PRORP: variants seen among roughly 807,000 people sequenced by gnomAD.
The protein encoded by PRORP is protein only RNase P catalytic subunit.
A neutral mutation model predicts 59.4 loss-of-function variants in PRORP; 51 were observed. That is an observed-to-expected ratio of 0.86 (90% CI 0.69 to 1.08). The LOEUF (loss-of-function observed/expected upper bound fraction) is 1.08. PRORP is among the 50% of genes least tolerant of loss of function. PRORP has a pLI of 0.00. For synonymous variants in PRORP, 231 were observed against 245.6 expected (o/e 0.94, Z 0.55); for missense variants, 646 against 690.3 (o/e 0.94, Z 0.72).
intron 5 of PRORP, among the ~76,000 whole-genome samples, chr14:35,204,691 G>GTGT (rs2049246433): frequency 6.6e-6 from 1 of 152,014 alleles, no homozygotes; most frequent in Non-Finnish European, 1.5e-5. Context: ...TATCAGCAAC[G>GTGT]TGTTCATTGT....
At chr14:35,230,819 A>G (rs958929256) in intron 5 of PRORP, among the ~76,000 whole-genome samples, 1 of 152,188 alleles carries the variant, frequency 6.6e-6, no homozygotes, top group African/African-American at 2.4e-5. Flanking sequence ...GTATTGTTCA[A>G]TCAAAGAAGA....
At chr14:35,131,634 T>G (rs2138803949) in intron 4 of PRORP, among the ~76,000 whole-genome samples, 2 of 151,814 alleles carry the variant, frequency 1.3e-5, no homozygotes, top group Admixed American at 1.3e-4. Flanking sequence ...GTTCAAGCGA[T>G]TCTCCTTCTT....
chr14:35,201,586 C>T (rs990587463), intron 5 of PRORP, among the ~76,000 whole-genome samples: 6 of 151,642 alleles, frequency 4.0e-5, no homozygotes, highest in Non-Finnish European at 8.8e-5. Flanking sequence ...TTTTTTAGTA[C>T]TTCCTTACTC....
chr14:35,273,271 G>T (rs979007780), intron 7 of PRORP, among the ~76,000 whole-genome samples, 164 bp from the exon 8 acceptor site: 2 of 152,154 alleles, frequency 1.3e-5, no homozygotes, highest in Non-Finnish European at 2.9e-5. Flanking sequence ...TAATATTAGG[G>T]CTCATCTTCA....
chr14:35,161,578 CT>C (rs1309218277), intron 4 of PRORP, among the ~76,000 whole-genome samples: 1 of 152,030 alleles, frequency 6.6e-6, no homozygotes, highest in Non-Finnish European at 1.5e-5. Context: ...GTGTTACTGC[CT>C]TTTTTATTTT....
chr14:35,166,702 C>T (rs749257617), intron 4 of PRORP, among the ~76,000 whole-genome samples: 5 of 152,152 alleles, frequency 3.3e-5, no homozygotes, highest in South Asian at 2.1e-4. Context: ...CTGCCCTCCT[C>T]GGCCTCCCAA....
intron 5 of PRORP, among the ~76,000 whole-genome samples, chr14:35,215,119 C>G (rs887302362): frequency 4.0e-5 from 6 of 151,878 alleles, no homozygotes; most frequent in African/African-American, 1.5e-4. Context: ...GGTCTCTTTT[C>G]CTGTTCAAAC....
At chr14:35,190,389 ACT>A (rs1196144017) in intron 5 of PRORP, among the ~76,000 whole-genome samples, 3 of 144,022 alleles carry the variant, frequency 2.1e-5, no homozygotes, top group Non-Finnish European at 3.1e-5. Context: ...CAAGAGTGAA[ACT>A]CTGTCTCAAA....
chr14:35,245,962 T>A (rs2050472110), intron 5 of PRORP, among the ~76,000 whole-genome samples: 3 of 152,182 alleles, frequency 2.0e-5, no homozygotes, highest in Non-Finnish European at 1.5e-5. Flanking sequence ...ATATTATTCT[T>A]ACACATGATG....
At chr14:35,151,635 CACAT>C (rs1164585804) in intron 4 of PRORP, among the ~76,000 whole-genome samples, 42 of 115,278 alleles carry the variant, frequency 3.6e-4, no homozygotes, top group Non-Finnish European at 4.5e-4. Context: ...GCTACACACA[CACAT>C]ACACACACAC....
At chr14:35,190,389 A>G (rs887060611) in intron 5 of PRORP, among the ~76,000 whole-genome samples, 3 of 144,022 alleles carry the variant, frequency 2.1e-5, no homozygotes, top group Non-Finnish European at 4.6e-5. Context: ...CAAGAGTGAA[A>G]CTCTGTCTCA....
At chr14:35,169,044 C>A (rs759640229) in intron 4 of PRORP, among the ~76,000 whole-genome samples, 6 of 149,834 alleles carry the variant, frequency 4.0e-5, no homozygotes, top group Non-Finnish European at 8.9e-5. Flanking sequence ...CTTTTTCTAC[C>A]TTTTTAAGTT....
Position 35,123,027 on chromosome 14 carries a change from A to G in PRORP, c.-219A>G. On this transcript the variant is annotated 5_prime_UTR_variant, in exon 2 of 8. Transcript: ENST00000534898. ...TGGTTTGCGGCTTGCGACGTTGGAC[A>G]TCCCCGGATTGTTGTTTAATAGAGA... is the stretch of plus-strand genomic sequence containing the variant. 2 of 544,416 alleles carry G rather than the reference A, an allele frequency of 3.7e-6. No homozygotes were observed. Among genetic ancestry groups the G allele is most frequent in the Non-Finnish European group, 6.5e-6 (2 of 306,592 alleles). 33.7% of individuals were successfully genotyped at this position (544,416 alleles called of 1,614,324 possible). A position where few individuals can be genotyped will look rare whatever the true frequency, so the allele number is the denominator to read the frequency against.
chr14:35,170,927 G>A (rs575749835), intron 4 of PRORP, among the ~76,000 whole-genome samples: 20 of 149,952 alleles, frequency 1.3e-4, no homozygotes, highest in Middle Eastern at 3.6e-3. Context: ...TCGGCTCACC[G>A]CAACCTCTGC....
chr14:35,223,959 T>G (rs909032092), intron 5 of PRORP, among the ~76,000 whole-genome samples: 1 of 152,212 alleles, frequency 6.6e-6, no homozygotes, highest in African/African-American at 2.4e-5. Context: ...GATAATCTTA[T>G]GAGATTTCAA....
intron 5 of PRORP, among the ~76,000 whole-genome samples, chr14:35,237,785 T>C (rs985834528): frequency 1.3e-5 from 2 of 152,052 alleles, no homozygotes; most frequent in South Asian, 2.1e-4. Context: ...CAGCCTCCGC[T>C]GGGACTACAG....
chr14:35,142,895 G>C (rs901730291), intron 4 of PRORP, among the ~76,000 whole-genome samples: 1 of 144,626 alleles, frequency 6.9e-6, no homozygotes, highest in Non-Finnish European at 1.5e-5. Context: ...GGTCCAGGCT[G>C]GTCTTGATGC....
intron 3 of PRORP, 134 bp from the exon 4 acceptor site, chr14:35,127,345 A>G (rs750104127): frequency 6.5e-6 from 4 of 610,748 alleles, no homozygotes; most frequent in Non-Finnish European, 1.0e-5. Context: ...AATTAGATGT[A>G]TGTGATTATC....
intron 5 of PRORP, among the ~76,000 whole-genome samples, chr14:35,196,682 T>C (rs1257616336): frequency 6.6e-6 from 1 of 152,174 alleles, no homozygotes; most frequent in Non-Finnish European, 1.5e-5. Flanking sequence ...TTTTTCTTAC[T>C]ATTCATTTTT....
Sources: gnomAD v4.1 joint callset for allele counts (sites outside exome capture counted in the v4.1 genomes callset) on GRCh38, gnomAD v4.1.1 for gene constraint, MANE v1.5 for transcripts, NCBI Gene and HGNC (gene_info 2026-07-23, HGNC 2026-07-21) for gene names.